KRT83: variants seen among roughly 807,000 people sequenced by gnomAD.
KRT83 encodes keratin 83.
KRT83 carries 51 observed loss-of-function variants against 52.9 expected under a neutral mutation model. That is an observed-to-expected ratio of 0.96 (90% confidence interval 0.77 to 1.22). KRT83 has a LOEUF of 1.22. Ranked by LOEUF, KRT83 falls within the 50% of genes most tolerant of loss-of-function variation. The probability of loss-of-function intolerance (pLI) is 0.00; values close to 1 mark genes in which losing one functional copy is unlikely to be tolerated. For missense variants in KRT83, 654 were observed against 666.5 expected (o/e 0.98, Z 0.21); for synonymous variants, 278 against 274.1 (o/e 1.01, Z -0.14).
rs1481580779 is a variant in KRT83 at position 52,314,663 on chromosome 12, C to T, written c.1450G>A (p.Gly484Arg). The change falls in exon 9 of 9, where the codon GGA (glycine) becomes AGA (arginine). Residue 484 changes from glycine (G) to arginine (R), a missense_variant. Physicochemically the swap from Gly to Arg is moderately radical, Grantham distance 125 (BLOSUM62 -2). Transcript: ENST00000293670. Reference sequence around the variant, plus strand: ...CTCCCCTGGCCGCAGGAGCCCCCTCCACAGGTGGTGTTCAGCTGGCCACAG... The same window carrying T: ...CTCCCCTGGCCGCAGGAGCCCCCTCTACAGGTGGTGTTCAGCTGGCCACAG... ...KPCGQLNTTC[G>R]GGSCGQGRH The T allele has an allele frequency of 7.6e-6, 12 of 1,577,090 alleles. No individual in the cohort carries two copies. Among genetic ancestry groups the T allele is most frequent in the Non-Finnish European group, 1.0e-5 (12 of 1,161,470 alleles).
Position 52,316,874 on chromosome 12 carries a change from G to A in KRT83, c.900C>T (p.Ser300=), listed in dbSNP as rs1363532342. Residue 300 remains serine (S), a synonymous_variant, in exon 5 of 9, where the codon TCC becomes TCT. Coordinates refer to ENST00000293670, the MANE Select transcript of KRT83 (RefSeq NM_002282.3). ...IATRSRAEAE[S]WYRSKCEEMK... ...TGCCGCTCACCTTGCTGCGATACCA[G>A]GACTCGGCCTCAGCCCGGCTACGGG... 6.2e-7 allele frequency: 1 copy of A among 1,614,142 alleles called. No individual in the cohort carries two copies. The highest frequency in any genetic ancestry group is 1.7e-5 in the Admixed American group (1 of 60,014).
At position 52,314,506 on chromosome 12, in the gene KRT83, A is replaced by T; in HGVS notation, c.*125T>A. Reference sequence around the variant, plus strand: ...TGGGGAGGAGCCGCTGGTGGGAATGAGCCGATGGTGTATTCTCAGAACACA... The same window carrying T: ...TGGGGAGGAGCCGCTGGTGGGAATGTGCCGATGGTGTATTCTCAGAACACA... On this transcript the variant is annotated 3_prime_UTR_variant, in exon 9 of 9. Coordinates refer to ENST00000293670, the MANE Select transcript of KRT83 (RefSeq NM_002282.3). 1 of 911,040 alleles carries T rather than the reference A, an allele frequency of 1.1e-6. No homozygotes were observed. Among genetic ancestry groups the T allele is most frequent in the Non-Finnish European group, 1.8e-6 (1 of 568,010 alleles). The allele number at this position is 911,040 out of a possible 1,614,324, so 56.4% of individuals were successfully genotyped here.
Position 52,314,345 on chromosome 12 carries a change from G to C in KRT83, c.*286C>G. 1 of 523,306 alleles carries C rather than the reference G, an allele frequency of 1.9e-6. No homozygotes were observed. Among genetic ancestry groups the C allele is most frequent in the Non-Finnish European group, 3.5e-6 (1 of 287,256 alleles). The allele number at this position is 523,306 out of a possible 1,614,324, so 32.4% of individuals were successfully genotyped here. ...GGAAAAGGGGAGACAAGAGGCCAGA[G>C]AGGCAGGGGGAACAGTCTCACAGTG... On this transcript the variant is annotated 3_prime_UTR_variant, in exon 9 of 9. Coordinates refer to ENST00000293670, the MANE Select transcript of KRT83 (RefSeq NM_002282.3).
chr12:52,316,962 C>T lies in KRT83; in HGVS notation c.812G>A (p.Ser271Asn), dbSNP rs752394771. The T allele has an allele frequency of 1.9e-6, 3 of 1,614,230 alleles. No individual in the cohort carries two copies. The highest frequency in any genetic ancestry group is 3.3e-5 in the Admixed American group (2 of 60,030). The change falls in exon 5 of 9, where the codon AGC (serine) becomes AAC (asparagine). Residue 271 changes from serine (S) to asparagine (N), a missense_variant. Transcript: ENST00000293670. Reference protein sequence around the residue: ...DTSVVVKLDNSRDLNMDCIVA... With the variant: ...DTSVVVKLDNNRDLNMDCIVA... ...GATGCAGTCCATGTTCAGGTCCCGG[C>T]TGTTGTCCAGCTTGACAACCACGGA...
Position 52,316,559 on chromosome 12 carries a change from C to A in KRT83, c.950G>T (p.Gly317Val). The A allele has an allele frequency of 6.2e-7, 1 of 1,614,148 alleles. No homozygotes were observed. Among genetic ancestry groups the A allele is most frequent in the Non-Finnish European group, 8.5e-7 (1 of 1,180,036 alleles). ...EEMKATVIRH[G>V]ETLRRTKEEI... is the part of the protein sequence containing the mutation. ...CTCCTTGGTGCGGCGCAGGGTCTCC[C>A]CGTGCCTGATCACTGTGGCCTTCAT... The change falls in exon 6 of 9, where the codon GGG becomes GTG. Residue 317 changes from glycine to valine, a missense_variant. Physicochemically the swap from Gly to Val is moderately radical, Grantham distance 109. Coordinates refer to ENST00000293670, the MANE Select transcript of KRT83 (RefSeq NM_002282.3).
rs2248473 is a variant in KRT83, at chr12:52,316,099, T to C, written c.1056A>G (p.Glu352=). Residue 352 remains glutamate, a synonymous_variant, in exon 7 of 9, where the codon GAA becomes GAG. Transcript: ENST00000293670. ...GCTGCTCAGACTGGGCCACCGCAGCTTCCAGCTTGGAGTTCTGGGAGGTAG... is the reference window on the plus strand; with the variant it reads ...GCTGCTCAGACTGGGCCACCGCAGCCTCCAGCTTGGAGTTCTGGGAGGTAG... ...ENAKCQNSKL[E]AAVAQSEQQG... is the part of the protein sequence containing the mutation. 0.41 allele frequency: 659,181 copies of C among 1,611,294 alleles called. 137,457 individuals carry two copies. Among genetic ancestry groups the C allele is most frequent in the African/African-American group, 0.49 (36,349 of 74,752 alleles).
chr12:52,319,199 C>G lies in KRT83; in HGVS notation c.550G>C (p.Glu184Gln). 6.2e-7 allele frequency: 1 copy of G among 1,613,660 alleles called. No individual in the cohort carries two copies. ...AGCACCTCCTGCACGTGGTTGAGCTCTGAGGCCAGCCTCCCACTGTCAGCC... is the reference window on the plus strand; with the variant it reads ...AGCACCTCCTGCACGTGGTTGAGCTGTGAGGCCAGCCTCCCACTGTCAGCC... ...VEADSGRLAS[E>Q]LNHVQEVLEG... is the part of the protein sequence containing the mutation. Residue 184 changes from glutamate (E) to glutamine (Q), a missense_variant, in exon 2 of 9, where the codon GAG becomes CAG. Coordinates refer to ENST00000293670, the MANE Select transcript of KRT83 (RefSeq NM_002282.3).
At chr12:52,320,639 C>G (rs1412298885) in intron 1 of KRT83, among the ~76,000 whole-genome samples, 3 of 152,218 alleles carry the variant, frequency 2.0e-5, no homozygotes, top group Non-Finnish European at 4.4e-5. Flanking sequence ...GGCATTTAAG[C>G]AGTTATTTGG....
chr12:52,320,179 G>A (rs950141142), intron 1 of KRT83, among the ~76,000 whole-genome samples: 1 of 151,478 alleles, frequency 6.6e-6, no homozygotes, highest in Non-Finnish European at 1.5e-5. Context: ...TTTTTTTCCC[G>A]ATCCTTTCTG....
intron 7 of KRT83, 148 bp from the exon 8 acceptor site, chr12:52,315,491 G>T: frequency 3.5e-6 from 3 of 847,178 alleles, no homozygotes; most frequent in South Asian, 2.8e-5. Context: ...TTGCCTTTCT[G>T]GCAGTTGAAG....
At chr12:52,315,379 AG>A (rs1938670362) in intron 7 of KRT83, 36 bp from the exon 8 acceptor site, 3 of 1,610,626 alleles carry the variant, frequency 1.9e-6, no homozygotes, top group Non-Finnish European at 2.5e-6. Flanking sequence ...GGAAGATAAA[AG>A]AAGTCAGAAT....
Position 52,315,354 on chromosome 12 carries a change from A to G in KRT83, c.1263-11T>C. Reference sequence around the variant, plus strand: ...ACACCTTCACACAGCCTGAGTGGGGAAAAAGTAAGGAAGGGGAAGATAAAA... The same window carrying G: ...ACACCTTCACACAGCCTGAGTGGGGGAAAAGTAAGGAAGGGGAAGATAAAA... On this transcript the variant is annotated splice_polypyrimidine_tract_variant and intron_variant, in intron 7 of 8. Transcript: ENST00000293670. 1 of 1,612,254 alleles carries G rather than the reference A, an allele frequency of 6.2e-7. No individual in the cohort carries two copies. The highest frequency in any genetic ancestry group is 8.5e-7 in the Non-Finnish European group (1 of 1,178,644).
Position 52,321,255 on chromosome 12 carries a change from T to G in KRT83, c.81A>C (p.Pro27=), listed in dbSNP as rs745810779. The part of the protein sequence containing the change: ...FSCVSACGPR[P]SRCCITAAPY... ...GGGCGGCGGTGATGCAGCAGCGGCT[T>G]GGCCGGGGCCCGCAGGCAGAGACAC... Residue 27 remains proline (P), a synonymous_variant, in exon 1 of 9, where the codon CCA becomes CCC. Transcript: ENST00000293670. 29 of 1,613,282 alleles carry G rather than the reference T, an allele frequency of 1.8e-5. No individual in the cohort carries two copies. The highest frequency in any genetic ancestry group is 2.3e-5 in the Non-Finnish European group (27 of 1,179,930).
chr12:52,315,709 G>A (rs528178758), intron 7 of KRT83, among the ~76,000 whole-genome samples, 184 bp downstream of exon 7: 1 of 152,326 alleles, frequency 6.6e-6, no homozygotes, highest in East Asian at 1.9e-4. Context: ...CCCTAGAATA[G>A]GTGATGTCCA....
Position 52,321,155 on chromosome 12 carries a change from C to A in KRT83, c.181G>T (p.Ala61Ser). The change falls in exon 1 of 9, where the codon GCC (alanine) becomes TCC (serine). Residue 61 changes from alanine to serine, a missense_variant. Ala to Ser is a moderately conservative substitution (Grantham distance 99). Transcript: ENST00000293670. Reference protein sequence around the residue: ...GSHSVCGGFRAGSCGRSFGYR... With the variant: ...GSHSVCGGFRSGSCGRSFGYR... ...CCGAAGCTGCGTCCGCAGGAGCCGG[C>A]GCGGAAGCCCCCGCACACGCTGTGG... The A allele has an allele frequency of 6.2e-7, 1 of 1,612,290 alleles. No individual in the cohort carries two copies. Among genetic ancestry groups the A allele is most frequent in the Non-Finnish European group, 8.5e-7 (1 of 1,179,540 alleles).
chr12:52,319,182 C>T lies in KRT83; in HGVS notation c.567G>A (p.Gln189=). The T allele has an allele frequency of 6.2e-7, 1 of 1,613,550 alleles. No homozygotes were observed. The highest frequency in any genetic ancestry group is 1.1e-5 in the South Asian group (1 of 91,062). The change falls in exon 2 of 9, where the codon CAG becomes CAA. Residue 189 remains glutamine, a synonymous_variant. Transcript: ENST00000293670. The part of the protein sequence containing the change: ...GRLASELNHV[Q]EVLEGYKKKY... Reference sequence around the variant, plus strand: ...TCTTCTTGTAGCCCTCCAGCACCTCCTGCACGTGGTTGAGCTCTGAGGCCA... The same window carrying T: ...TCTTCTTGTAGCCCTCCAGCACCTCTTGCACGTGGTTGAGCTCTGAGGCCA...
At chr12:52,319,454 A>G (rs1437208270) in intron 1 of KRT83, 90 bp from the exon 2 acceptor site, 16 of 1,558,166 alleles carry the variant, frequency 1.0e-5, no homozygotes, top group South Asian at 2.3e-5. Flanking sequence ...AAAGCCCCCA[A>G]CTCTCTGACC....
Position 52,321,300 on chromosome 12 carries a change from G to C in KRT83, c.36C>G (p.Phe12Leu), listed in dbSNP as rs755572344. Reference sequence around the variant, plus strand: ...AGACACAGCTGAAGTTTCCAGGGCGGAACCCACAGCCTATGGAGTTGAAGC... The same window carrying C: ...AGACACAGCTGAAGTTTCCAGGGCGCAACCCACAGCCTATGGAGTTGAAGC... ...TCGFNSIGCG[F>L]RPGNFSCVSA... The change falls in exon 1 of 9, where the codon TTC becomes TTG. Residue 12 changes from phenylalanine (F) to leucine (L), a missense_variant. Coordinates refer to ENST00000293670, the MANE Select transcript of KRT83 (RefSeq NM_002282.3). The C allele has an allele frequency of 6.2e-7, 1 of 1,613,662 alleles. No individual in the cohort carries two copies. Among genetic ancestry groups the C allele is most frequent in the East Asian group, 2.2e-5 (1 of 44,882 alleles).
intron 6 of KRT83, among the ~76,000 whole-genome samples, 172 bp downstream of exon 6, chr12:52,316,296 C>T (rs1459902384): frequency 7.9e-6 from 1 of 125,812 alleles, no homozygotes; most frequent in Non-Finnish European, 1.7e-5. Context: ...CACACAGATA[C>T]ACACACACAC....
Sources: gnomAD v4.1 joint callset for allele counts (sites outside exome capture counted in the v4.1 genomes callset) on GRCh38, gnomAD v4.1.1 for gene constraint, MANE v1.5 for transcripts, NCBI Gene and HGNC (gene_info 2026-07-23, HGNC 2026-07-21) for gene names.